DCC: variants seen among roughly 807,000 people sequenced by gnomAD.
The protein encoded by DCC is DCC netrin 1 receptor.
In DCC, 58 loss-of-function variants were observed where a neutral mutation model predicts 172.5. The ratio of observed to expected loss-of-function variants is 0.34; its 90% CI spans 0.27 to 0.42. The LOEUF is 0.42. Among genes scored for constraint, DCC ranks in the 10% least tolerant of loss-of-function variants. The pLI is 1.00. For missense variants in DCC, 1,740 were observed against 1,791.0 expected, an observed-to-expected ratio of 0.97 and a Z score of 0.51; for synonymous variants, 709 against 644.5, an observed-to-expected ratio of 1.10 and a Z score of -1.52.
intron 15 of DCC, among the ~76,000 whole-genome samples, chr18:53,356,728 A>T (rs759043745): frequency 7.2e-5 from 11 of 152,134 alleles, no homozygotes; most frequent in Non-Finnish European, 1.5e-4. Flanking sequence ...CTTAAGAGGG[A>T]CAAAATATCT....
intron 15 of DCC, among the ~76,000 whole-genome samples, chr18:53,341,339 C>T (rs143821335): frequency 0.011 from 1,603 of 152,188 alleles, 32 homozygotes; most frequent in African/African-American, 0.037. Context: ...TGATTCTCTT[C>T]GTTACCAAAA....
chr18:52,614,958 G>A (rs1221892), intron 1 of DCC, among the ~76,000 whole-genome samples: 119,709 of 152,016 alleles, frequency 0.79, 48,260 homozygotes, highest in Middle Eastern at 0.89. Context: ...TTTTCACTCC[G>A]TTTTTAACTC....
chr18:53,282,272 C>T (rs150112036), intron 12 of DCC, among the ~76,000 whole-genome samples: 1 of 152,126 alleles, frequency 6.6e-6, no homozygotes, highest in South Asian at 2.1e-4. Flanking sequence ...TAAACACAGG[C>T]CATGCTGACT....
intron 2 of DCC, among the ~76,000 whole-genome samples, chr18:52,761,519 TAACATAA>T (rs1490668688): frequency 2.0e-5 from 3 of 152,158 alleles, no homozygotes; most frequent in Admixed American, 6.5e-5. Flanking sequence ...ATCATGAAGT[TAACATAA>T]AACAATAACA....
intron 14 of DCC, among the ~76,000 whole-genome samples, chr18:53,338,255 C>G (rs1004605819): frequency 3.3e-5 from 5 of 152,146 alleles, no homozygotes; most frequent in African/African-American, 1.2e-4. Flanking sequence ...TTCCTGTATC[C>G]TGAACATTAC....
At chr18:53,024,289 G>A (rs1412352910) in intron 5 of DCC, among the ~76,000 whole-genome samples, 9 of 152,204 alleles carry the variant, frequency 5.9e-5, no homozygotes, top group Admixed American at 5.9e-4. Context: ...AAACTTTTGG[G>A]AATAGGGACA....
At chr18:53,273,217 G>A (rs903808219) in intron 12 of DCC, among the ~76,000 whole-genome samples, 1 of 152,006 alleles carries the variant, frequency 6.6e-6, no homozygotes, top group African/African-American at 2.4e-5. Flanking sequence ...TGAAGTATGT[G>A]CTCTTATGAA....
chr18:53,035,394 G>C (rs1368704411), intron 5 of DCC, among the ~76,000 whole-genome samples: 1 of 152,028 alleles, frequency 6.6e-6, no homozygotes, highest in African/African-American at 2.4e-5. Context: ...AAAGTTTTAA[G>C]GTCAAGATTT....
At chr18:52,412,826 A>G (rs1337122552) in intron 1 of DCC, among the ~76,000 whole-genome samples, 6 of 152,242 alleles carry the variant, frequency 3.9e-5, no homozygotes, top group Non-Finnish European at 7.4e-5. Flanking sequence ...CTGCAGCAGA[A>G]TCTTTTTTAT....
intron 12 of DCC, among the ~76,000 whole-genome samples, chr18:53,225,730 G>A (rs1197607656): frequency 6.6e-6 from 1 of 152,156 alleles, no homozygotes; most frequent in Non-Finnish European, 1.5e-5. Context: ...GAGTACTGTG[G>A]ACTGACCATT....
chr18:52,593,064 C>A (rs2033833903), intron 1 of DCC, among the ~76,000 whole-genome samples: 1 of 152,182 alleles, frequency 6.6e-6, no homozygotes, highest in Non-Finnish European at 1.5e-5. Flanking sequence ...TAGGTACCAA[C>A]AAACAGGCTT....
intron 12 of DCC, among the ~76,000 whole-genome samples, chr18:53,269,746 A>G (rs1205573823): frequency 1.3e-5 from 2 of 152,162 alleles, no homozygotes; most frequent in African/African-American, 2.4e-5. Flanking sequence ...GAACAGTCCC[A>G]AAGTGCACAG....
chr18:52,476,553 G>A (rs936945815), intron 1 of DCC, among the ~76,000 whole-genome samples: 1 of 152,110 alleles, frequency 6.6e-6, no homozygotes, highest in African/African-American at 2.4e-5. Context: ...ATTTAGATGG[G>A]AATAAAAGTT....
intron 1 of DCC, among the ~76,000 whole-genome samples, chr18:52,433,575 C>T (rs1987693942): frequency 6.6e-6 from 1 of 152,104 alleles, no homozygotes; most frequent in Non-Finnish European, 1.5e-5. Context: ...GACAGAAACA[C>T]ATAATGGGAA....
chr18:53,145,155 C>T (rs2043890795), intron 7 of DCC, among the ~76,000 whole-genome samples: 1 of 114,550 alleles, frequency 8.7e-6, no homozygotes, highest in African/African-American at 3.1e-5. Flanking sequence ...TGCTCTGTTG[C>T]CCAGGCTGGA....
At chr18:52,867,499 C>T (rs1346507490) in intron 2 of DCC, among the ~76,000 whole-genome samples, 5 of 151,200 alleles carry the variant, frequency 3.3e-5, no homozygotes, top group Non-Finnish European at 7.4e-5. Context: ...GCTGTGAATC[C>T]TCCTGGTCTT....
At chr18:52,822,075 T>C (rs2038416870) in intron 2 of DCC, among the ~76,000 whole-genome samples, 1 of 152,196 alleles carries the variant, frequency 6.6e-6, no homozygotes, top group Non-Finnish European at 1.5e-5. Flanking sequence ...CCATCCAATA[T>C]GTCCACTGAA....
intron 2 of DCC, among the ~76,000 whole-genome samples, chr18:52,756,025 G>T (rs755332364): frequency 6.6e-6 from 1 of 152,300 alleles, no homozygotes; most frequent in Middle Eastern, 3.4e-3. Context: ...CTTAAAAGTT[G>T]CAAAGTAACA....
intron 1 of DCC, 29 bp downstream of exon 1, chr18:52,340,907 G>A (rs1228403020): frequency 2.6e-6 from 4 of 1,519,118 alleles, no homozygotes; most frequent in Non-Finnish European, 2.7e-6. Flanking sequence ...TCTTCTCGTC[G>A]CACCCCCTTC....
Sources: gnomAD v4.1 joint callset for allele counts (sites outside exome capture counted in the v4.1 genomes callset) on GRCh38, gnomAD v4.1.1 for gene constraint, MANE v1.5 for transcripts, NCBI Gene and HGNC (gene_info 2026-07-23, HGNC 2026-07-21) for gene names.